Variants in TMEM45A observed in about 807,000 individuals in gnomAD.
The protein encoded by TMEM45A is transmembrane protein 45A.
A neutral mutation model predicts 32.0 loss-of-function variants in TMEM45A; 25 were observed. That is an observed-to-expected ratio of 0.78 (90% confidence interval 0.57 to 1.09). The LOEUF (loss-of-function observed/expected upper bound fraction) is 1.09, where lower values mean the gene tolerates loss of function less well. TMEM45A is among the 50% of genes least tolerant of loss of function. The pLI is 0.00. For missense variants in TMEM45A, 302 were observed against 325.0 expected (o/e 0.93, Z 0.54); for synonymous variants, 122 against 114.8 (o/e 1.06, Z -0.40).
intron 5 of TMEM45A, 77 bp downstream of exon 5, chr3:100,569,044 A>C: frequency 6.8e-7 from 1 of 1,460,710 alleles, no homozygotes; most frequent in South Asian, 1.3e-5. Flanking sequence ...ATTGAATTTA[A>C]AATTCAAAAG....
chr3:100,537,221 C>T (rs183339891), intron 1 of TMEM45A, among the ~76,000 whole-genome samples: 16 of 152,022 alleles, frequency 1.1e-4, no homozygotes, highest in African/African-American at 3.6e-4. Flanking sequence ...CCATGCCTGG[C>T]CAGAATAGGT....
At chr3:100,514,031 C>T (rs1453857877) in intron 1 of TMEM45A, among the ~76,000 whole-genome samples, 4 of 152,036 alleles carry the variant, frequency 2.6e-5, no homozygotes, top group African/African-American at 7.2e-5. Context: ...GAATCAATAT[C>T]GTGAAAATGG....
At chr3:100,559,913 CA>C (rs1223925224) in intron 4 of TMEM45A, among the ~76,000 whole-genome samples, 1 of 151,940 alleles carries the variant, frequency 6.6e-6, no homozygotes, top group African/African-American at 2.4e-5. Context: ...CAAACAAAAA[CA>C]GGCCAAAGAA....
At chr3:100,547,943 T>C (rs1281574724) in intron 1 of TMEM45A, among the ~76,000 whole-genome samples, 1 of 152,228 alleles carries the variant, frequency 6.6e-6, no homozygotes, top group Non-Finnish European at 1.5e-5. Flanking sequence ...GCCTCATCCT[T>C]TCTTATATTT....
At chr3:100,538,095 G>C (rs187845161) in intron 1 of TMEM45A, among the ~76,000 whole-genome samples, 3 of 152,198 alleles carry the variant, frequency 2.0e-5, no homozygotes, top group African/African-American at 7.2e-5. Flanking sequence ...TTTGTCATCA[G>C]AATGGGTTAT....
chr3:100,551,154 C>T (rs1002307017), intron 1 of TMEM45A, among the ~76,000 whole-genome samples: 3 of 151,920 alleles, frequency 2.0e-5, no homozygotes, highest in Non-Finnish European at 2.9e-5. Context: ...GCTGGGACTA[C>T]AGGTGCCCAC....
intron 1 of TMEM45A, among the ~76,000 whole-genome samples, chr3:100,536,579 TA>T (rs1705744043): frequency 6.6e-6 from 1 of 152,312 alleles, no homozygotes; most frequent in African/African-American, 2.4e-5. Flanking sequence ...AAGAAATGAA[TA>T]AATAAGCAGA....
At chr3:100,539,456 T>C (rs200093753) in intron 1 of TMEM45A, among the ~76,000 whole-genome samples, 17,638 of 82,720 alleles carry the variant, frequency 0.21, 1,606 homozygotes, top group Admixed American at 0.3. Flanking sequence ...TATGTATATG[T>C]ATATGTATAT....
At chr3:100,511,957 C>G (rs1474199117) in intron 1 of TMEM45A, among the ~76,000 whole-genome samples, 2 of 151,958 alleles carry the variant, frequency 1.3e-5, no homozygotes, top group Non-Finnish European at 2.9e-5. Flanking sequence ...AATACAGGAG[C>G]ACCCAGATTC....
At chr3:100,505,104 T>C (rs1708061029) in intron 1 of TMEM45A, among the ~76,000 whole-genome samples, 1 of 152,144 alleles carries the variant, frequency 6.6e-6, no homozygotes, top group Non-Finnish European at 1.5e-5. Context: ...GTGGCTACCA[T>C]TGCTGCATTG....
At chr3:100,553,717 G>A (rs1488789724) in intron 1 of TMEM45A, among the ~76,000 whole-genome samples, 5 of 152,136 alleles carry the variant, frequency 3.3e-5, no homozygotes. Flanking sequence ...CCAAGGCTTA[G>A]AAAGGTTAAG....
intron 5 of TMEM45A, among the ~76,000 whole-genome samples, chr3:100,569,258 C>G (rs999265397): frequency 6.6e-6 from 1 of 152,220 alleles, no homozygotes. Context: ...TTCCTCTTCT[C>G]TCTTCTGAAT....
At chr3:100,521,400 T>G (rs1705434661) in intron 1 of TMEM45A, among the ~76,000 whole-genome samples, 1 of 151,662 alleles carries the variant, frequency 6.6e-6, no homozygotes. Context: ...ATTACAGGCA[T>G]GCACCACCAT....
intron 3 of TMEM45A, 93 bp downstream of exon 3, chr3:100,557,065 G>A (rs1706236803): frequency 7.2e-7 from 1 of 1,385,830 alleles, no homozygotes. Flanking sequence ...TCTTGTTGCA[G>A]CCTTGATTGA....
chr3:100,519,844 A>G (rs1223648588), intron 1 of TMEM45A, among the ~76,000 whole-genome samples: 1 of 152,206 alleles, frequency 6.6e-6, no homozygotes, highest in African/African-American at 2.4e-5. Context: ...GTGGATAGGA[A>G]GAGTTGATGT....
chr3:100,537,804 G>C (rs994125208), intron 1 of TMEM45A, among the ~76,000 whole-genome samples: 8 of 152,318 alleles, frequency 5.3e-5, no homozygotes, highest in Non-Finnish European at 1.0e-4. Flanking sequence ...TGATGCAAGT[G>C]AATGTGTCAG....
intron 1 of TMEM45A, among the ~76,000 whole-genome samples, chr3:100,521,998 G>A (rs1156557181): frequency 6.6e-6 from 1 of 152,076 alleles, no homozygotes; most frequent in Non-Finnish European, 1.5e-5. Flanking sequence ...GCAGCATTTT[G>A]GTGCTCCAGT....
intron 1 of TMEM45A, among the ~76,000 whole-genome samples, chr3:100,515,466 T>C (rs1436303844): frequency 2.6e-5 from 3 of 113,228 alleles, no homozygotes; most frequent in African/African-American, 1.1e-4. Flanking sequence ...CATCACACTC[T>C]GGGGACTGTT....
intron 1 of TMEM45A, among the ~76,000 whole-genome samples, chr3:100,498,596 TC>T (rs750016219): frequency 3.7e-4 from 56 of 152,074 alleles, no homozygotes; most frequent in South Asian, 3.1e-3. Context: ...TGTGTGTGTG[TC>T]CCCTGTTGGT....
Sources: gnomAD v4.1 joint callset for allele counts (sites outside exome capture counted in the v4.1 genomes callset) on GRCh38, gnomAD v4.1.1 for gene constraint, MANE v1.5 for transcripts, NCBI Gene and HGNC (gene_info 2026-07-23, HGNC 2026-07-21) for gene names.